The following NOS1AP variants were observed in gnomAD, a reference collection of about 807,000 sequenced individuals.
NOS1AP encodes the protein nitric oxide synthase 1 adaptor protein.
Under a neutral mutation model 56.2 loss-of-function variants are expected in NOS1AP, and 21 were observed. The observed-to-expected ratio is 0.37, with a 90% CI of 0.26 to 0.54. The LOEUF (loss-of-function observed/expected upper bound fraction) is 0.54, where lower values mean the gene tolerates loss of function less well. Ranked by LOEUF, NOS1AP falls within the 20% of genes least tolerant of loss-of-function variation. The probability of loss-of-function intolerance (pLI) is 0.84; values close to 1 mark genes in which losing one functional copy is unlikely to be tolerated. For synonymous variants in NOS1AP, 270 were observed against 274.6 expected, an observed-to-expected ratio of 0.98 and a Z score of 0.17; for missense variants, 522 against 657.8, an observed-to-expected ratio of 0.79 and a Z score of 2.26.
chr1:162,331,761 A>C (rs976006654), intron 4 of NOS1AP, among the ~76,000 whole-genome samples: 1 of 152,222 alleles, frequency 6.6e-6, no homozygotes, highest in African/African-American at 2.4e-5. Context: ...TGGACTGCCC[A>C]AAACTAATTC....
At chr1:162,337,786 T>C (rs1305230503) in intron 5 of NOS1AP, among the ~76,000 whole-genome samples, 2 of 152,192 alleles carry the variant, frequency 1.3e-5, no homozygotes, top group African/African-American at 2.4e-5. Context: ...AACTAAACTT[T>C]CCTTATACTG....
chr1:162,200,067 G>C (rs933339709), intron 2 of NOS1AP, among the ~76,000 whole-genome samples: 2 of 152,068 alleles, frequency 1.3e-5, no homozygotes, highest in Non-Finnish European at 2.9e-5. Context: ...CCTTGGCTTG[G>C]GTTCTTCCAT....
intron 2 of NOS1AP, among the ~76,000 whole-genome samples, chr1:162,266,959 C>A (rs1557856516): frequency 6.6e-6 from 1 of 152,160 alleles, no homozygotes; most frequent in Non-Finnish European, 1.5e-5. Context: ...ATAGTATCAT[C>A]ATTATGTTAT....
rs551112222 is a variant in NOS1AP, at chr1:162,142,445, G to A, written c.106-11960G>A. Among the ~76,000 whole-genome samples, 9 of 152,124 alleles carry A rather than the reference G, an allele frequency of 5.9e-5. No individual in the cohort carries two copies. The East Asian group carries it at 1.5e-3, about 26-fold the overall frequency. On this transcript the variant is annotated intron_variant, in intron 1 of 9. Transcript: ENST00000361897. ...GTGTGTGTGTTTAAATCATGAAAGG[G>A]TATGAAAGGGTATTGGATTTTGTCA...
chr1:162,097,063 C>T (rs895333060), intron 1 of NOS1AP, among the ~76,000 whole-genome samples: 2 of 151,918 alleles, frequency 1.3e-5, no homozygotes, highest in Non-Finnish European at 2.9e-5. Flanking sequence ...TTGCTGTGCT[C>T]TACACCCCTG....
At chr1:162,151,130 A>T (rs1035739189) in intron 1 of NOS1AP, among the ~76,000 whole-genome samples, 1 of 152,040 alleles carries the variant, frequency 6.6e-6, no homozygotes, top group Non-Finnish European at 1.5e-5. Context: ...TTTTGTTTTG[A>T]TTTTTGTATA....
intron 1 of NOS1AP, among the ~76,000 whole-genome samples, chr1:162,151,528 A>G (rs1649705836): frequency 6.6e-6 from 1 of 151,946 alleles, no homozygotes; most frequent in Non-Finnish European, 1.5e-5. Flanking sequence ...AAATTTTAGG[A>G]TTGTTTTTTC....
chr1:162,097,125 T>TAA (rs34097144), intron 1 of NOS1AP, among the ~76,000 whole-genome samples: 20 of 149,156 alleles, frequency 1.3e-4, no homozygotes, highest in South Asian at 4.3e-4. Flanking sequence ...TGCTGGGTAT[T>TAA]AAAAAAAAAA....
intron 2 of NOS1AP, among the ~76,000 whole-genome samples, chr1:162,209,570 G>T (rs1199274122): frequency 6.6e-6 from 1 of 152,116 alleles, no homozygotes; most frequent in African/African-American, 2.4e-5. Context: ...GAAGGAAGAA[G>T]AATAAATGAT....
chr1:162,346,915 C>T (rs1004436793), intron 6 of NOS1AP, among the ~76,000 whole-genome samples: 9 of 152,154 alleles, frequency 5.9e-5, no homozygotes, highest in Admixed American at 4.6e-4. Context: ...CTTGGCCAGT[C>T]TCAGTTTTAG....
intron 1 of NOS1AP, among the ~76,000 whole-genome samples, chr1:162,120,804 CT>C (rs1294998390): frequency 6.6e-6 from 1 of 152,182 alleles, no homozygotes; most frequent in Non-Finnish European, 1.5e-5. Flanking sequence ...TATCAGAATT[CT>C]TTTAGATTTT....
At chr1:162,269,282 A>T (rs905716255) in intron 2 of NOS1AP, among the ~76,000 whole-genome samples, 2 of 152,234 alleles carry the variant, frequency 1.3e-5, no homozygotes, top group Admixed American at 1.3e-4. Context: ...TATCTTAATT[A>T]TTCATTATCA....
At chr1:162,089,153 C>T (rs1692072600) in intron 1 of NOS1AP, among the ~76,000 whole-genome samples, 1 of 152,090 alleles carries the variant, frequency 6.6e-6, no homozygotes, top group South Asian at 2.1e-4. Context: ...GTGAACAGAG[C>T]TGGGAAACTA....
chr1:162,231,527 A>G (rs1280676964), intron 2 of NOS1AP, among the ~76,000 whole-genome samples: 1 of 152,158 alleles, frequency 6.6e-6, no homozygotes, highest in Non-Finnish European at 1.5e-5. Context: ...TAATTTTAAT[A>G]ATATATTTTA....
At chr1:162,088,042 G>C (rs140144559) in intron 1 of NOS1AP, among the ~76,000 whole-genome samples, 1 of 152,052 alleles carries the variant, frequency 6.6e-6, no homozygotes, top group Non-Finnish European at 1.5e-5. Context: ...GAAGTATTTT[G>C]AAAAGCATCA....
intron 1 of NOS1AP, among the ~76,000 whole-genome samples, chr1:162,134,750 C>G (rs148413116): frequency 6.6e-6 from 1 of 152,246 alleles, no homozygotes; most frequent in East Asian, 1.9e-4. Flanking sequence ...TGTCACTGGT[C>G]TCTTGTCATG....
chr1:162,244,143 G>A (rs557895046), intron 2 of NOS1AP, among the ~76,000 whole-genome samples: 2 of 152,280 alleles, frequency 1.3e-5, no homozygotes, highest in South Asian at 4.2e-4. Flanking sequence ...GAAGTTGAGT[G>A]AGTAGGCATG....
chr1:162,248,104 G>A (rs1238608668), intron 2 of NOS1AP, among the ~76,000 whole-genome samples: 3 of 151,990 alleles, frequency 2.0e-5, no homozygotes, highest in African/African-American at 7.2e-5. Flanking sequence ...ACAACACAAC[G>A]AGATCCCACC....
intron 7 of NOS1AP, 87 bp downstream of exon 7, chr1:162,355,440 C>A: frequency 2.0e-6 from 3 of 1,519,188 alleles, no homozygotes; most frequent in Non-Finnish European, 2.7e-6. Flanking sequence ...AGCTCAGCTT[C>A]CGAGTGAGGC....
Sources: allele counts gnomAD v4.1 joint callset (sites outside exome capture counted in the v4.1 genomes callset), GRCh38; gene constraint gnomAD v4.1.1; transcripts MANE v1.5; gene names NCBI Gene and HGNC (gene_info 2026-07-23, HGNC 2026-07-21).